Variants in RALYL observed in about 807,000 individuals in gnomAD.
RALYL encodes RALY RNA binding protein like.
A neutral mutation model predicts 35.1 loss-of-function variants in RALYL; 29 were observed. The ratio of observed to expected loss-of-function variants is 0.83; its 90% CI spans 0.61 to 1.13. The LOEUF (loss-of-function observed/expected upper bound fraction) is 1.13, where lower values mean the gene tolerates loss of function less well. RALYL is among the 50% of genes most tolerant of loss of function. The pLI, the probability that RALYL is intolerant of heterozygous loss-of-function variation, is 0.00. For missense variants in RALYL, 359 were observed against 360.4 expected, an observed-to-expected ratio of 1.00 and a Z score of 0.03; for synonymous variants, 120 against 127.6, an observed-to-expected ratio of 0.94 and a Z score of 0.40.
rs537837294 is a variant in RALYL at position 84,796,481 on chromosome 8, A to G, written c.333-8289A>G. 4.6e-5 allele frequency among the ~76,000 whole-genome samples: 7 copies of G among 152,342 alleles called. 2 individuals carry two copies. Among genetic ancestry groups the G allele is most frequent in the African/African-American group, 1.7e-4 (7 of 41,586 alleles). ...TTATTAAATCTTTAGGCAATAAATG[A>G]ATTTTTAAGAATACTGATAGGATTA... On this transcript the variant is annotated intron_variant, in intron 3 of 8. Transcript: ENST00000521268.
At chr8:84,637,331 TA>T (rs1237107074) in intron 2 of RALYL, among the ~76,000 whole-genome samples, 1 of 151,882 alleles carries the variant, frequency 6.6e-6, no homozygotes, top group Non-Finnish European at 1.5e-5. Context: ...CAGTTGTTCA[TA>T]GTAGAGGAAG....
chr8:84,361,619 G>T lies in RALYL; in HGVS notation c.-23-167680G>T, dbSNP rs148142068. Among the ~76,000 whole-genome samples, 4 of 152,146 alleles carry T rather than the reference G, an allele frequency of 2.6e-5. No homozygotes were observed. In the East Asian group the frequency reaches 7.7e-4, roughly 29 times the overall value. On this transcript the variant is annotated intron_variant, in intron 1 of 8. Coordinates refer to ENST00000521268, the MANE Select transcript of RALYL (RefSeq NM_173848.7). Reference sequence around the variant, plus strand: ...TTTTAATCTAGTGATGTAATTCTTCGCCAGGTTTAAAATGGAAAGCAGAAG... The same window carrying T: ...TTTTAATCTAGTGATGTAATTCTTCTCCAGGTTTAAAATGGAAAGCAGAAG...
intron 1 of RALYL, among the ~76,000 whole-genome samples, chr8:84,521,079 C>G (rs944037465): frequency 6.6e-6 from 1 of 152,134 alleles, no homozygotes; most frequent in African/African-American, 2.4e-5. Flanking sequence ...TATTGAAGCC[C>G]TAACCCCTAA....
intron 1 of RALYL, among the ~76,000 whole-genome samples, chr8:84,524,346 A>G (rs1173491750): frequency 6.6e-6 from 1 of 152,222 alleles, no homozygotes; most frequent in African/African-American, 2.4e-5. Flanking sequence ...AAACACATGA[A>G]AAAATGCTCA....
At chr8:84,274,091 G>A (rs568244779) in intron 1 of RALYL, among the ~76,000 whole-genome samples, 1 of 152,194 alleles carries the variant, frequency 6.6e-6, no homozygotes, top group East Asian at 1.9e-4. Flanking sequence ...AAACTCTGGG[G>A]TCATGATTAT....
In RALYL at chr8:84,681,691, T is replaced by A. The variant is rs139968648; in HGVS notation, c.257-92888T>A. Among the ~76,000 whole-genome samples, 601 of 152,338 alleles carry A rather than the reference T, an allele frequency of 3.9e-3. 5 individuals are homozygous for A. Among genetic ancestry groups the A allele is most frequent in the African/African-American group, 0.013 (551 of 41,576 alleles). ...TTGTGATTTTTGCACATTGATTTTG[T>A]ATCCTAACTGTTTGCCGCAGTTGCT... On this transcript the variant is annotated intron_variant, in intron 2 of 8. Transcript: ENST00000521268.
At chr8:84,274,974 A>G (rs1263915457) in intron 1 of RALYL, among the ~76,000 whole-genome samples, 2 of 152,172 alleles carry the variant, frequency 1.3e-5, no homozygotes, top group Non-Finnish European at 2.9e-5. Flanking sequence ...CAATCAGCTG[A>G]GGCCAGAGAG....
chr8:84,576,041 A>G (rs1016614864), intron 2 of RALYL, among the ~76,000 whole-genome samples: 3 of 152,176 alleles, frequency 2.0e-5, no homozygotes, highest in Non-Finnish European at 2.9e-5. Flanking sequence ...ATTATAAAGT[A>G]AAAAGAATAT....
intron 1 of RALYL, among the ~76,000 whole-genome samples, chr8:84,426,287 C>A (rs1231433820): frequency 1.3e-5 from 2 of 152,098 alleles, no homozygotes; most frequent in Non-Finnish European, 1.5e-5. Context: ...ATATACTGCA[C>A]AATTTTACTA....
At chr8:84,803,354 A>G (rs1407048840) in intron 3 of RALYL, among the ~76,000 whole-genome samples, 1 of 152,180 alleles carries the variant, frequency 6.6e-6, no homozygotes, top group African/African-American at 2.4e-5. Flanking sequence ...CCTTTTGATC[A>G]CTTGGCACTG....
chr8:84,685,545 G>A (rs1589000081), intron 2 of RALYL, among the ~76,000 whole-genome samples: 1 of 152,070 alleles, frequency 6.6e-6, no homozygotes. Flanking sequence ...ACAAATAAAT[G>A]CAACTCAGTA....
intron 2 of RALYL, among the ~76,000 whole-genome samples, chr8:84,562,592 G>A (rs1055751659): frequency 6.6e-6 from 1 of 151,714 alleles, no homozygotes; most frequent in Non-Finnish European, 1.5e-5. Flanking sequence ...GGAACAGATG[G>A]GCATCCAGCT....
intron 1 of RALYL, chr8:84,185,152 A>G: frequency 1.2e-6 from 1 of 844,718 alleles, no homozygotes. Flanking sequence ...GGATGGGGAA[A>G]TAGTTTCTTA....
At chr8:84,319,949 A>G (rs943774429) in intron 1 of RALYL, among the ~76,000 whole-genome samples, 2 of 152,042 alleles carry the variant, frequency 1.3e-5, no homozygotes, top group Middle Eastern at 3.2e-3. Context: ...GCTTATATTT[A>G]TGTATAAAAC....
chr8:84,909,232 C>T (rs1847093949), intron 8 of RALYL, among the ~76,000 whole-genome samples: 1 of 152,138 alleles, frequency 6.6e-6, no homozygotes, highest in Non-Finnish European at 1.5e-5. Flanking sequence ...ACTGTATACA[C>T]ATTTGTTTCT....
At chr8:84,283,364 A>G (rs1397013758) in intron 1 of RALYL, among the ~76,000 whole-genome samples, 2 of 152,124 alleles carry the variant, frequency 1.3e-5, no homozygotes, top group Admixed American at 1.3e-4. Flanking sequence ...TCTCAGCATC[A>G]CTACCTAGAA....
At chr8:84,392,537 T>A (rs1267699225) in intron 1 of RALYL, among the ~76,000 whole-genome samples, 1 of 151,972 alleles carries the variant, frequency 6.6e-6, no homozygotes, top group South Asian at 2.1e-4. Context: ...TAAAAATACA[T>A]CTCTGTATGT....
intron 1 of RALYL, among the ~76,000 whole-genome samples, chr8:84,207,287 G>T (rs1304243015): frequency 6.6e-6 from 1 of 151,550 alleles, no homozygotes; most frequent in Admixed American, 6.6e-5. Context: ...GATGAATAAA[G>T]AAAATGTTAT....
intron 6 of RALYL, chr8:84,872,843 A>AATCT (rs1353182718): frequency 6.5e-6 from 1 of 152,714 alleles, no homozygotes; most frequent in Admixed American, 6.5e-5. Flanking sequence ...GGTTTCCATC[A>AATCT]ATCTTCAAGG....
Sources: allele counts gnomAD v4.1 joint callset (sites outside exome capture counted in the v4.1 genomes callset), GRCh38; gene constraint gnomAD v4.1.1; transcripts MANE v1.5; gene names NCBI Gene and HGNC (gene_info 2026-07-23, HGNC 2026-07-21).